Variants in CCL28 observed in about 807,000 individuals in gnomAD.
The protein encoded by CCL28 is C-C motif chemokine ligand 28.
In CCL28, 4 loss-of-function variants were observed where a neutral mutation model predicts 7.1. The ratio of observed to expected loss-of-function variants is 0.56; its 90% CI spans 0.28 to 1.29. The LOEUF is 1.29. Ranked by LOEUF, CCL28 falls within the 50% of genes most tolerant of loss-of-function variation. The pLI, the probability that CCL28 is intolerant of heterozygous loss-of-function variation, is 0.11. For synonymous variants in CCL28, 55 were observed against 57.8 expected, an observed-to-expected ratio of 0.95 and a Z score of 0.22; for missense variants, 151 against 163.4, an observed-to-expected ratio of 0.92 and a Z score of 0.41.
At chr5:43,388,160 T>C (rs928758393) in intron 2 of CCL28, 190 bp downstream of exon 2, 4 of 628,448 alleles carry the variant, frequency 6.4e-6, no homozygotes, top group Non-Finnish European at 1.1e-5. Context: ...TCAGGACATC[T>C]TTGGACAGAG....
the CCL28 span, among the ~76,000 whole-genome samples, chr5:43,367,713 C>T: frequency 2.4e-3 from 361 of 152,234 alleles, 2 homozygotes; most frequent in African/African-American, 8.4e-3. Context: ...TCTAACCAAT[C>T]CCAGTGAGGT....
At chr5:43,367,127 G>A in the CCL28 span, among the ~76,000 whole-genome samples, 1 of 152,224 alleles carries the variant, frequency 6.6e-6, no homozygotes, top group African/African-American at 2.4e-5. Context: ...CTGCTGTGCT[G>A]GCAGCAAGAA....
At chr5:43,359,834 G>A in the CCL28 span, among the ~76,000 whole-genome samples, 1 of 151,654 alleles carries the variant, frequency 6.6e-6, no homozygotes, top group Non-Finnish European at 1.5e-5. Context: ...CACCCCCCAG[G>A]CCTGTGACTC....
At chr5:43,411,015 C>A (rs139932149) in intron 1 of CCL28, among the ~76,000 whole-genome samples, 324 of 152,290 alleles carry the variant, frequency 2.1e-3, no homozygotes, top group African/African-American at 7.4e-3. Context: ...CAAATGCCTG[C>A]AGGGACCAGG....
intron 1 of CCL28, among the ~76,000 whole-genome samples, chr5:43,391,129 TC>T (rs1740554186): frequency 6.6e-6 from 1 of 152,184 alleles, no homozygotes; most frequent in African/African-American, 2.4e-5. Flanking sequence ...CAGAATGGTA[TC>T]TGGAACACTG....
At chr5:43,375,258 G>A (rs1407890210), downstream of CCL28, among the ~76,000 whole-genome samples, 1 of 150,352 alleles carries the variant, frequency 6.7e-6, no homozygotes, top group African/African-American at 2.5e-5. Context: ...CAAAGTGCTG[G>A]GATTACAGGC....
At chr5:43,409,918 GC>G (rs1741465717) in intron 1 of CCL28, among the ~76,000 whole-genome samples, 1 of 152,034 alleles carries the variant, frequency 6.6e-6, no homozygotes, top group South Asian at 2.1e-4. Context: ...GGTGGAGTGT[GC>G]CCTACCTTTG....
the CCL28 span, among the ~76,000 whole-genome samples, chr5:43,366,694 CT>C: frequency 2.6e-5 from 4 of 152,238 alleles, no homozygotes; most frequent in Admixed American, 2.0e-4. Context: ...ATCTGCTGCT[CT>C]CTTCAAAGCC....
chr5:43,400,499 AGGAAAG>A (rs1312896878), intron 1 of CCL28, among the ~76,000 whole-genome samples: 1 of 151,980 alleles, frequency 6.6e-6, no homozygotes, highest in Non-Finnish European at 1.5e-5. Flanking sequence ...TTGGGTTTTC[AGGAAAG>A]GATCTTGCTA....
chr5:43,397,985 AG>A (rs1275806887), intron 1 of CCL28, among the ~76,000 whole-genome samples: 1 of 151,420 alleles, frequency 6.6e-6, no homozygotes, highest in Non-Finnish European at 1.5e-5. Context: ...GTCAAGAAAA[AG>A]CTCCCTTGGG....
chr5:43,376,747 G>A (rs1188534244), downstream of CCL28: 1 of 152,162 alleles, frequency 6.6e-6, no homozygotes, highest in East Asian at 1.9e-4. Context: ...GGAGGCAAGG[G>A]GCTGGAAAAT....
chr5:43,367,483 A>G, the CCL28 span, among the ~76,000 whole-genome samples: 2 of 152,126 alleles, frequency 1.3e-5, no homozygotes, highest in Non-Finnish European at 2.9e-5. Flanking sequence ...TTGGCTAGGG[A>G]AGGGAGTTCC....
At position 43,380,781 on chromosome 5, in the gene CCL28, C is replaced by T. The variant is rs190645007; in HGVS notation, c.*1079G>A. On this transcript the variant is annotated 3_prime_UTR_variant, in exon 3 of 3. Coordinates refer to ENST00000361115, the MANE Select transcript of CCL28 (RefSeq NM_148672.3). ...CAAAATTGTGCCACTGCACTCCAGC[C>T]TGGAAGACACAGCAAGACCCTCCCT... The T allele has an allele frequency of 1.3e-5, 2 of 151,778 alleles. No homozygotes were observed. Among genetic ancestry groups the T allele is most frequent in the East Asian group, 3.9e-4 (2 of 5,162 alleles). 9.4% of individuals were successfully genotyped at this position (151,778 alleles called of 1,614,324 possible).
chr5:43,376,599 A>C (rs1190796959), downstream of CCL28: 2 of 152,266 alleles, frequency 1.3e-5, no homozygotes, highest in African/African-American at 4.8e-5. Flanking sequence ...CAACAGGTTC[A>C]TACACCCACT....
At chr5:43,376,462 C>A (rs556294869), downstream of CCL28, among the ~76,000 whole-genome samples, 1 of 152,264 alleles carries the variant, frequency 6.6e-6, no homozygotes, top group East Asian at 1.9e-4. Flanking sequence ...GATTGTGAAA[C>A]CCTGCCCTAA....
chr5:43,375,026 A>G (rs1220833255), downstream of CCL28, among the ~76,000 whole-genome samples: 1 of 151,800 alleles, frequency 6.6e-6, no homozygotes, highest in Non-Finnish European at 1.5e-5. Flanking sequence ...CTTTCACTCT[A>G]TTGCCCAGGC....
chr5:43,410,526 C>T (rs912814834), intron 1 of CCL28, among the ~76,000 whole-genome samples: 2 of 152,166 alleles, frequency 1.3e-5, no homozygotes, highest in African/African-American at 4.8e-5. Flanking sequence ...TACCTTTTCA[C>T]ACACCTCTGC....
At chr5:43,377,057 T>G (rs893970136), downstream of CCL28, 2 of 152,254 alleles carry the variant, frequency 1.3e-5, no homozygotes, top group African/African-American at 4.8e-5. Context: ...TAGTGATTAA[T>G]GCTGAATGTG....
rs564498968 is a variant in CCL28, at chr5:43,396,281, CT to C, written c.65-7806del. ...GTAGTGAGGGCGACCAGAGGTTACCCTTGTGGCCATTTTGGTTTTGGTAGGA... is the reference window on the plus strand; with the variant it reads ...GTAGTGAGGGCGACCAGAGGTTACCCTGTGGCCATTTTGGTTTTGGTAGGA... On this transcript the variant is annotated intron_variant, in intron 1 of 2. Transcript: ENST00000361115. Among the ~76,000 whole-genome samples the C allele has an allele frequency of 9.8e-4, 149 of 152,208 alleles. 1 individual carries two copies. Among genetic ancestry groups the C allele is most frequent in the Admixed American group, 3.9e-3 (60 of 15,282 alleles).
Sources: gnomAD v4.1 joint callset for allele counts (sites outside exome capture counted in the v4.1 genomes callset) on GRCh38, gnomAD v4.1.1 for gene constraint, MANE v1.5 for transcripts, NCBI Gene and HGNC (gene_info 2026-07-23, HGNC 2026-07-21) for gene names.